The following C3orf52 variants were observed in gnomAD, a reference collection of about 807,000 sequenced individuals.
C3orf52 encodes the protein chromosome 3 open reading frame 52.
In C3orf52, 22 loss-of-function variants were observed where a neutral mutation model predicts 24.8. That is an observed-to-expected ratio of 0.89 (90% CI 0.63 to 1.27). The LOEUF (loss-of-function observed/expected upper bound fraction) is 1.27, where lower values mean the gene tolerates loss of function less well. Ranked by LOEUF, C3orf52 falls within the 50% of genes most tolerant of loss-of-function variation. C3orf52 has a pLI of 0.00. For synonymous variants in C3orf52, 93 were observed against 100.2 expected (o/e 0.93, Z 0.43); for missense variants, 265 against 260.7 (o/e 1.02, Z -0.11).
chr3:112,130,797 A>G, downstream of C3orf52: 1 of 444,894 alleles, frequency 2.2e-6, no homozygotes, highest in Non-Finnish European at 4.2e-6. Context: ...GATCCTCGTC[A>G]TGACCCTTGA....
At chr3:112,124,012 C>T (rs2074254810) in intron 4 of C3orf52, among the ~76,000 whole-genome samples, 2 of 152,198 alleles carry the variant, frequency 1.3e-5, no homozygotes, top group African/African-American at 4.8e-5. Context: ...AGAGTGACCT[C>T]TGACCACCTG....
At chr3:112,102,089 A>G (rs1325258614) in intron 2 of C3orf52, among the ~76,000 whole-genome samples, 1 of 150,452 alleles carries the variant, frequency 6.6e-6, no homozygotes, top group African/African-American at 2.4e-5. Flanking sequence ...GAGCATGTCA[A>G]CATACCTGTC....
intron 1 of C3orf52, among the ~76,000 whole-genome samples, chr3:112,089,284 G>A (rs1437811525): frequency 6.6e-6 from 1 of 152,164 alleles, no homozygotes; most frequent in African/African-American, 2.4e-5. Context: ...CCAGCACTTT[G>A]GGAGGCCAAG....
intron 3 of C3orf52, 120 bp from the exon 4 acceptor site, chr3:112,109,423 A>G: frequency 1.9e-6 from 1 of 520,050 alleles, no homozygotes; most frequent in Non-Finnish European, 3.5e-6. Context: ...CTTCCAGATA[A>G]CGTTGATTCC....
At chr3:112,122,512 A>AT (rs1417725578), downstream of C3orf52, 1 of 152,222 alleles carries the variant, frequency 6.6e-6, no homozygotes, top group East Asian at 1.9e-4. Flanking sequence ...AGGAGTGCTT[A>AT]TCAGAGAAGG....
chr3:112,104,617 AT>A (rs1397849732), intron 3 of C3orf52, among the ~76,000 whole-genome samples: 2 of 151,148 alleles, frequency 1.3e-5, no homozygotes, highest in African/African-American at 4.9e-5. Flanking sequence ...TTTTTTTTAG[AT>A]TGTTTAAATT....
At chr3:112,093,335 T>A (rs774912190) in intron 1 of C3orf52, 25 bp from the exon 2 acceptor site, 4 of 1,612,734 alleles carry the variant, frequency 2.5e-6, no homozygotes, top group Non-Finnish European at 3.4e-6. Context: ...AATGACTGCC[T>A]CACAATCTCC....
downstream of C3orf52, chr3:112,121,254 T>C (rs1382881912): frequency 2.0e-5 from 3 of 152,206 alleles, no homozygotes; most frequent in African/African-American, 7.2e-5. Context: ...AATGGTCCAG[T>C]GGCCATGTGA....
chr3:112,093,554 A>G (rs2073898530), intron 2 of C3orf52, 65 bp downstream of exon 2: 2 of 1,462,322 alleles, frequency 1.4e-6, no homozygotes, highest in Non-Finnish European at 1.9e-6. Flanking sequence ...TGTGACTTAC[A>G]CTGAAATGGA....
intron 2 of C3orf52, among the ~76,000 whole-genome samples, chr3:112,099,505 C>T (rs894256981): frequency 7.2e-5 from 11 of 152,234 alleles, no homozygotes; most frequent in East Asian, 3.9e-4. Context: ...TAAAGGATTT[C>T]GGAATCTGAG....
chr3:112,116,113 G>C (rs543900429), intron 5 of C3orf52, among the ~76,000 whole-genome samples: 6 of 152,290 alleles, frequency 3.9e-5, no homozygotes, highest in African/African-American at 1.4e-4. Context: ...AGAGGAAAAA[G>C]CCCCAGGTAG....
intron 5 of C3orf52, among the ~76,000 whole-genome samples, chr3:112,113,361 G>A (rs563266527): frequency 6.6e-6 from 1 of 152,286 alleles, no homozygotes; most frequent in African/African-American, 2.4e-5. Flanking sequence ...TAATTAGACA[G>A]TGTAGTTGGG....
intron 4 of C3orf52, among the ~76,000 whole-genome samples, chr3:112,110,068 G>A (rs112626250): frequency 9.2e-5 from 14 of 152,318 alleles, no homozygotes; most frequent in Non-Finnish European, 1.9e-4. Context: ...GGTAGCTCAC[G>A]CCTGTAATCC....
intron 3 of C3orf52, among the ~76,000 whole-genome samples, chr3:112,104,547 G>T (rs1431654315): frequency 2.0e-5 from 3 of 152,024 alleles, no homozygotes; most frequent in Admixed American, 6.6e-5. Context: ...ACAGGAGTTG[G>T]TATCCTGTGA....
At chr3:112,131,084 A>C (rs1318513317), downstream of C3orf52, 1 of 155,148 alleles carries the variant, frequency 6.4e-6, no homozygotes, top group Non-Finnish European at 1.4e-5. Context: ...AGAAACTAAC[A>C]CTTAAACACT....
At chr3:112,102,044 G>T (rs1353707933) in intron 2 of C3orf52, among the ~76,000 whole-genome samples, 1 of 152,094 alleles carries the variant, frequency 6.6e-6, no homozygotes, top group East Asian at 1.9e-4. Context: ...ACACCCTGGG[G>T]CTCTGAATAT....
downstream of C3orf52, chr3:112,121,770 C>A (rs2074205453): frequency 1.3e-5 from 2 of 152,340 alleles, no homozygotes; most frequent in African/African-American, 4.8e-5. Context: ...GCTCCACAAA[C>A]CTGTGACACA....
At chr3:112,093,062 C>T (rs1288395867) in intron 1 of C3orf52, among the ~76,000 whole-genome samples, 6 of 152,154 alleles carry the variant, frequency 3.9e-5, no homozygotes, top group African/African-American at 1.4e-4. Context: ...TGGCCGGTTC[C>T]ATTACGAATC....
intron 2 of C3orf52, among the ~76,000 whole-genome samples, chr3:112,095,128 C>T (rs1008131759): frequency 2.0e-5 from 3 of 152,166 alleles, no homozygotes; most frequent in Non-Finnish European, 2.9e-5. Context: ...ACCATATCTA[C>T]GTATTTACTT....
Sources: gnomAD v4.1 joint callset for allele counts (sites outside exome capture counted in the v4.1 genomes callset) on GRCh38, gnomAD v4.1.1 for gene constraint, MANE v1.5 for transcripts, NCBI Gene and HGNC (gene_info 2026-07-23, HGNC 2026-07-21) for gene names.